Variants in GLB1L observed in about 807,000 individuals in gnomAD.
GLB1L encodes beta-galactosidase-1-like protein.
Under a neutral mutation model 75.7 loss-of-function variants are expected in GLB1L, and 58 were observed. The ratio of observed to expected loss-of-function variants is 0.77; its 90% CI spans 0.62 to 0.95. The LOEUF is 0.95. Ranked by LOEUF, GLB1L falls within the 40% of genes least tolerant of loss-of-function variation. The pLI is 0.00. For synonymous variants in GLB1L, 296 were observed against 303.0 expected (o/e 0.98, Z 0.24); for missense variants, 797 against 805.5 (o/e 0.99, Z 0.13).
rs1397828068 is a variant in GLB1L at position 219,239,265 on chromosome 2, C to T, written c.944-55G>A. 21 of 1,514,366 alleles carry T rather than the reference C, an allele frequency of 1.4e-5. No homozygotes were observed. The South Asian group carries it at 2.3e-4, about 17-fold the overall frequency. The allele number at this position is 1,514,366 out of a possible 1,614,324, so 93.8% of individuals were successfully genotyped here. On this transcript the variant is annotated intron_variant, in intron 10 of 16. Coordinates refer to ENST00000295759, the MANE Select transcript of GLB1L (RefSeq NM_001286423.2). Reference sequence around the variant, plus strand: ...CATGTATTTCAGATGACAGGCACTACTAAGCATGCTTCATGCAGAGAATTT... The same window carrying T: ...CATGTATTTCAGATGACAGGCACTATTAAGCATGCTTCATGCAGAGAATTT...
chr2:219,239,841 A>T lies in GLB1L; in HGVS notation c.722-8T>A, dbSNP rs74566954. The stretch of plus-strand genomic sequence containing the variant: ...TTTTGGTCATGTTGTCAGCTGCGGA[A>T]AGGAGGCAAAAGAAAAAGATAAATG... On this transcript the variant is annotated splice_region_variant and splice_polypyrimidine_tract_variant and intron_variant, in intron 7 of 16. Transcript: ENST00000295759. 2,447 of 1,614,222 alleles carry T rather than the reference A, an allele frequency of 1.5e-3. 8 individuals are homozygous for T. The highest frequency in any genetic ancestry group is 0.013 in the African/African-American group (954 of 75,050).
rs753262485 is a variant in GLB1L at position 219,239,121 on chromosome 2, G to A, written c.1033C>T (p.Leu345Phe). ...CTGATGACATCTCGAAGAGCAAAAAGCTTAGGTGTGGGGTCCCCTGCTTCA... is the reference window on the plus strand; with the variant it reads ...CTGATGACATCTCGAAGAGCAAAAAACTTAGGTGTGGGGTCCCCTGCTTCA... ...ISEAGDPTPKLFALRDVISKF... is the reference protein window; with the variant it reads ...ISEAGDPTPKFFALRDVISKF... Residue 345 changes from leucine (L) to phenylalanine (F), a missense_variant, in exon 11 of 17, where the codon CTT (leucine) becomes TTT (phenylalanine). Transcript: ENST00000295759. The A allele has an allele frequency of 1.9e-6, 3 of 1,613,432 alleles. No homozygotes were observed. Among genetic ancestry groups the A allele is most frequent in the Non-Finnish European group, 2.5e-6 (3 of 1,179,396 alleles).
At chr2:219,238,676 T>A in intron 12 of GLB1L, 29 bp downstream of exon 12, 1 of 1,597,560 alleles carries the variant, frequency 6.3e-7, no homozygotes, top group Non-Finnish European at 8.5e-7. Flanking sequence ...AAAGGTGTGG[T>A]ATAAGAGAAA....
In GLB1L at chr2:219,243,538, C is replaced by A; in HGVS notation, c.36G>T (p.Leu12=). The change falls in exon 2 of 17, where the codon CTG becomes CTT. Residue 12 remains leucine (L), a synonymous_variant. Transcript: ENST00000295759. ...APKKLSCLRS[L]LLPLSLTLLL... ...GTAGCGTCAGGCTGAGCGGCAGCAG[C>A]AGGGAACGAAGGCAGGACAGCTTCT... 6.2e-7 allele frequency: 1 copy of A among 1,614,226 alleles called. No individual in the cohort carries two copies. Among genetic ancestry groups the A allele is most frequent in the Non-Finnish European group, 8.5e-7 (1 of 1,180,040 alleles).
At chr2:219,241,241 T>C (rs1951377816) in intron 5 of GLB1L, among the ~76,000 whole-genome samples, 1 of 150,128 alleles carries the variant, frequency 6.7e-6, no homozygotes, top group East Asian at 2.0e-4. Flanking sequence ...TAGCCGGGTG[T>C]GTTGGTGGGC....
chr2:219,240,161 T>A, intron 6 of GLB1L, 30 bp downstream of exon 6: 1 of 1,613,398 alleles, frequency 6.2e-7, no homozygotes, highest in South Asian at 1.1e-5. Flanking sequence ...TGTACCTTCT[T>A]CCCCTGCTCC....
chr2:219,238,725 C>T lies in GLB1L; in HGVS notation c.1117G>A (p.Gly373Arg), dbSNP rs757104639. Residue 373 changes from glycine to arginine, a missense_variant, in exon 12 of 17, where the codon GGA becomes AGA. Physicochemically the swap from Gly to Arg is moderately radical, Grantham distance 125. Transcript: ENST00000295759. ...CTTACCAGGTGCAGAGTCACAGGTCCAAGCATCATCTTGGGGCTCGGGGGA... is the reference window on the plus strand; with the variant it reads ...CTTACCAGGTGCAGAGTCACAGGTCTAAGCATCATCTTGGGGCTCGGGGGA... ...LPPPSPKMML[G>R]PVTLHLVGHL... 1.1e-5 allele frequency: 18 copies of T among 1,613,900 alleles called. No individual in the cohort carries two copies. The highest frequency in any genetic ancestry group is 2.7e-5 in the African/African-American group (2 of 74,894).
rs1211312459 is a variant in GLB1L, at chr2:219,243,242, C to G, written c.145G>C (p.Val49Leu). The change falls in exon 3 of 17, where the codon GTG becomes CTG. Residue 49 changes from valine to leucine, a missense_variant. Val to Leu is a conservative substitution (Grantham distance 32). Coordinates refer to ENST00000295759, the MANE Select transcript of GLB1L (RefSeq NM_001286423.2). ...FLLDGAPFRY[V>L]SGSLHYFRVP... ...CGAAAGTAGTGCAGGCTGCCAGACA[C>G]ATAGCGGAACGGGGCCCCGTCTAGG... 6.2e-7 allele frequency: 1 copy of G among 1,614,100 alleles called. No individual in the cohort carries two copies. Among genetic ancestry groups the G allele is most frequent in the Non-Finnish European group, 8.5e-7 (1 of 1,179,954 alleles).
At position 219,243,575 on chromosome 2, in the gene GLB1L, G is replaced by A; in HGVS notation, c.-2C>T. The A allele has an allele frequency of 6.2e-7, 1 of 1,614,110 alleles. No homozygotes were observed. The highest frequency in any genetic ancestry group is 8.5e-7 in the Non-Finnish European group (1 of 1,179,956). On this transcript the variant is annotated 5_prime_UTR_variant, in exon 2 of 17. Transcript: ENST00000295759. ...GCAGGACAGCTTCTTGGGAGCCATG[G>A]CGTTTACAGCGCTCCTCTAGTCTGA...
At chr2:219,238,228 C>T (rs1430924761) in intron 14 of GLB1L, 22 bp downstream of exon 14, 20 of 1,504,300 alleles carry the variant, frequency 1.3e-5, no homozygotes, top group Non-Finnish European at 1.7e-5. Flanking sequence ...TTGGGGCTCA[C>T]AGCCTGGAAT....
rs1234822835 is a variant in GLB1L, at chr2:219,243,502, C to T, written c.72G>A (p.Gln24=). The T allele has an allele frequency of 3.7e-6, 6 of 1,614,180 alleles. No homozygotes were observed. Residue 24 remains glutamine (Q), a splice_region_variant and synonymous_variant, in exon 2 of 17, where the codon CAG becomes CAA. Coordinates refer to ENST00000295759, the MANE Select transcript of GLB1L (RefSeq NM_001286423.2). ...AGGCTGGTTCACCGTCTCATCTTAC[C>T]TGGGGCAGCAGTAGCGTCAGGCTGA... ...LPLSLTLLLP[Q]ADTRSFVVDR... is the part of the protein sequence containing the mutation.
chr2:219,236,760 C>CTT lies in GLB1L; in HGVS notation c.*310_*311dup, dbSNP rs5838728. 0.041 allele frequency: 5,191 copies of CTT among 125,404 alleles called. 147 individuals are homozygous for CTT. The highest frequency in any genetic ancestry group is 0.062 in the South Asian group (344 of 5,542). The allele number at this position is 125,404 out of a possible 1,614,324, so 7.8% of individuals were successfully genotyped here. On this transcript the variant is annotated 3_prime_UTR_variant, in exon 17 of 17. Coordinates refer to ENST00000295759, the MANE Select transcript of GLB1L (RefSeq NM_001286423.2). ...CTCCATGTCCCAGGTCCAAGGGTTA[C>CTT]TTTTTTTTTTTTTTTTTTTTTTGAG...
rs1951281045 is a variant in GLB1L, at chr2:219,237,563, T to G, written c.1638A>C (p.Pro546=). 1 of 1,614,132 alleles carries G rather than the reference T, an allele frequency of 6.2e-7. No individual in the cohort carries two copies. Among genetic ancestry groups the G allele is most frequent in the Non-Finnish European group, 8.5e-7 (1 of 1,180,012 alleles). ...SGPTFYSKTF[P]ILGSVGDTFL... ...ATGTGTCCCCAACTGAGCCTAAAAT[T>G]GGAAATGTTTTGGAGTAGAATGTGG... Residue 546 remains proline, a synonymous_variant, in exon 16 of 17, where the codon CCA becomes CCC. Coordinates refer to ENST00000295759, the MANE Select transcript of GLB1L (RefSeq NM_001286423.2).
chr2:219,244,099 T>A (rs1249285730), intron 1 of GLB1L, among the ~76,000 whole-genome samples: 1 of 152,020 alleles, frequency 6.6e-6, no homozygotes, highest in African/African-American at 2.4e-5. Flanking sequence ...ACCGAGATCC[T>A]GCCACTGCAC....
At position 219,243,283 on chromosome 2, in the gene GLB1L, C is replaced by A. The variant is rs751412568; in HGVS notation, c.104G>T (p.Gly35Val). ...CCCGTCTAGGAGAAACCGGTCATGA[C>A]CCCTATCCACTACGAACGACCGAGT... ...ADTRSFVVDR[G>V]HDRFLLDGAP... The change falls in exon 3 of 17, where the codon GGT (glycine) becomes GTT (valine). Residue 35 changes from glycine to valine, a missense_variant. Physicochemically the swap from Gly to Val is moderately radical, Grantham distance 109 (BLOSUM62 -3). Transcript: ENST00000295759. The A allele has an allele frequency of 3.1e-6, 5 of 1,608,240 alleles. No individual in the cohort carries two copies. Among genetic ancestry groups the A allele is most frequent in the Non-Finnish European group, 4.3e-6 (5 of 1,176,276 alleles).
At position 219,237,068 on chromosome 2, in the gene GLB1L, C is replaced by T. The variant is rs1417056350; in HGVS notation, c.*4G>A. 1.9e-6 allele frequency: 3 copies of T among 1,598,304 alleles called. No individual in the cohort carries two copies. Among genetic ancestry groups the T allele is most frequent in the Admixed American group, 1.7e-5 (1 of 59,706 alleles). On this transcript the variant is annotated 3_prime_UTR_variant, in exon 17 of 17. Transcript: ENST00000295759. ...GGCATGAGCCACCATGCCCGGCCTA[C>T]CTTTCAGTGCCCACTTAACTCCATT...
intron 4 of GLB1L, 27 bp from the exon 5 acceptor site, chr2:219,242,601 A>G: frequency 1.9e-6 from 3 of 1,606,152 alleles, no homozygotes; most frequent in Non-Finnish European, 2.6e-6. Context: ...GAGAACAAAG[A>G]AGCATGTAGG....
Position 219,240,082 on chromosome 2 carries a change from A to G in GLB1L, c.559T>C (p.Tyr187His), listed in dbSNP as rs1436902839. ...AAGTCACAGGCTCTGTAGCTACCATATTCATTCTCCACCTGCCAGAGGGGA... is the reference window on the plus strand; with the variant it reads ...AAGTCACAGGCTCTGTAGCTACCATGTTCATTCTCCACCTGCCAGAGGGGA... ...NIISIQVENEYGSYRACDFSY... is the reference protein window; with the variant it reads ...NIISIQVENEHGSYRACDFSY... Residue 187 changes from tyrosine (Y) to histidine (H), a missense_variant, in exon 7 of 17, where the codon TAT becomes CAT. Coordinates refer to ENST00000295759, the MANE Select transcript of GLB1L (RefSeq NM_001286423.2). The G allele has an allele frequency of 3.0e-5, 49 of 1,614,188 alleles. No homozygotes were observed. The highest frequency in any genetic ancestry group is 3.9e-5 in the Non-Finnish European group (46 of 1,180,042).
Position 219,241,434 on chromosome 2 carries a change from GTGTGTGTGTATATATATATATA to G in GLB1L, c.451+1058_451+1079del, listed in dbSNP as rs1250251503. On this transcript the variant is annotated intron_variant, in intron 5 of 16. Transcript: ENST00000295759. ...TATATGTGTGTGTGTGTGTGTGTGT[GTGTGTGTGTATATATATATATA>G]TATATATATACATACATATATATGT... is the stretch of plus-strand genomic sequence containing the variant. 1.7e-4 allele frequency among the ~76,000 whole-genome samples: 14 copies of G among 82,982 alleles called. No individual in the cohort carries two copies. In the East Asian group the frequency reaches 2.1e-3, roughly 12 times the overall value. 54.4% of individuals were successfully genotyped at this position (82,982 alleles called of 152,430 possible). A position where few individuals can be genotyped will look rare whatever the true frequency, so the allele number is the denominator to read the frequency against.
Sources: gnomAD v4.1 joint callset for allele counts (sites outside exome capture counted in the v4.1 genomes callset) on GRCh38, gnomAD v4.1.1 for gene constraint, MANE v1.5 for transcripts, NCBI Gene and HGNC (gene_info 2026-07-23, HGNC 2026-07-21) for gene names.